SRPK2: variants seen among roughly 807,000 people sequenced by gnomAD.
SRPK2 encodes SFRS protein kinase 2.
In SRPK2, 21 loss-of-function variants were observed where a neutral mutation model predicts 90.8. That is an observed-to-expected ratio of 0.23 (90% confidence interval 0.16 to 0.33). The LOEUF (loss-of-function observed/expected upper bound fraction) is 0.33. Among genes scored for constraint, SRPK2 ranks in the 10% least tolerant of loss-of-function variants. The pLI, the probability that SRPK2 is intolerant of heterozygous loss-of-function variation, is 1.00. For synonymous variants in SRPK2, 288 were observed against 311.1 expected (o/e 0.93, Z 0.78); for missense variants, 620 against 869.0 (o/e 0.71, Z 3.60).
At chr7:105,337,637 G>C (rs1021627995) in intron 2 of SRPK2, among the ~76,000 whole-genome samples, 1 of 152,026 alleles carries the variant, frequency 6.6e-6, no homozygotes, top group African/African-American at 2.4e-5. Context: ...TATATAAAGA[G>C]AGACACCAGA....
At chr7:105,329,170 T>C (rs987697243) in intron 2 of SRPK2, among the ~76,000 whole-genome samples, 1 of 152,186 alleles carries the variant, frequency 6.6e-6, no homozygotes, top group Non-Finnish European at 1.5e-5. Context: ...CCTGAATCTT[T>C]ATATATTTCA....
chr7:105,256,827 C>G (rs1344097185), intron 2 of SRPK2, among the ~76,000 whole-genome samples: 1 of 152,208 alleles, frequency 6.6e-6, no homozygotes, highest in Non-Finnish European at 1.5e-5. Flanking sequence ...AGTTTCTGTG[C>G]TCCCCACCTG....
intron 2 of SRPK2, among the ~76,000 whole-genome samples, chr7:105,361,864 T>C (rs915840242): frequency 1.3e-5 from 2 of 151,994 alleles, no homozygotes; most frequent in Admixed American, 6.6e-5. Flanking sequence ...CCTAAAACCA[T>C]AAAAACCCTA....
At chr7:105,388,096 G>C (rs1343068810) in intron 2 of SRPK2, among the ~76,000 whole-genome samples, 1 of 152,192 alleles carries the variant, frequency 6.6e-6, no homozygotes, top group African/African-American at 2.4e-5. Context: ...CACGCCCGAG[G>C]CAAACCACTT....
chr7:105,145,321 C>T lies in SRPK2; in HGVS notation c.788-13G>A, dbSNP rs1001423166. The T allele has an allele frequency of 1.3e-6, 2 of 1,584,332 alleles. No homozygotes were observed. The highest frequency in any genetic ancestry group is 1.3e-5 in the African/African-American group (1 of 74,406). Reference sequence around the variant, plus strand: ...GGAGCCGTACTCACTAAAATAAAATCAAACAAAATCTGTATTTAGCAGAAA... The same window carrying T: ...GGAGCCGTACTCACTAAAATAAAATTAAACAAAATCTGTATTTAGCAGAAA... On this transcript the variant is annotated splice_polypyrimidine_tract_variant and intron_variant, in intron 8 of 15. Transcript: ENST00000393651.
At chr7:105,167,518 T>C in intron 5 of SRPK2, 54 bp from the exon 6 acceptor site, 1 of 1,353,846 alleles carries the variant, frequency 7.4e-7, no homozygotes, top group East Asian at 2.3e-5. Context: ...AAAGCATGTT[T>C]TCCCATTATA....
rs150198662 is a variant in SRPK2, at chr7:105,144,607, G to A, written c.813+676C>T. Among the ~76,000 whole-genome samples, 12 of 152,138 alleles carry A rather than the reference G, an allele frequency of 7.9e-5. No homozygotes were observed. In the East Asian group the frequency reaches 1.7e-3, roughly 22 times the overall value. ...TCAGTCTCTTTCTTATTTAACATCC[G>A]CATGGAAAAAATTAGAACAACAGCT... On this transcript the variant is annotated intron_variant, in intron 9 of 15. Transcript: ENST00000393651.
chr7:105,324,895 A>G (rs533418711), intron 2 of SRPK2, among the ~76,000 whole-genome samples: 9 of 152,198 alleles, frequency 5.9e-5, no homozygotes, highest in African/African-American at 2.2e-4. Flanking sequence ...AAAAAATAAA[A>G]ATTAAAATTA....
intron 2 of SRPK2, among the ~76,000 whole-genome samples, chr7:105,349,040 G>A (rs1159037936): frequency 6.6e-6 from 1 of 151,684 alleles, no homozygotes; most frequent in Non-Finnish European, 1.5e-5. Context: ...TAGCTACTTG[G>A]AAGGCAGAGG....
chr7:105,135,923 C>A (rs1001027742), intron 11 of SRPK2, among the ~76,000 whole-genome samples: 7 of 151,990 alleles, frequency 4.6e-5, no homozygotes, highest in African/African-American at 1.7e-4. Flanking sequence ...TGAAACCATG[C>A]CCGATTAATT....
intron 6 of SRPK2, among the ~76,000 whole-genome samples, chr7:105,163,581 G>A (rs891192056): frequency 6.6e-6 from 1 of 152,026 alleles, no homozygotes; most frequent in Non-Finnish European, 1.5e-5. Flanking sequence ...GATCACCTGA[G>A]GTCGGGAATT....
At chr7:105,163,892 T>C (rs1343829370) in intron 6 of SRPK2, among the ~76,000 whole-genome samples, 1 of 152,208 alleles carries the variant, frequency 6.6e-6, no homozygotes, top group African/African-American at 2.4e-5. Flanking sequence ...ACTTCACGAC[T>C]GGTTCAACTT....
In SRPK2 at chr7:105,269,394, C is replaced by A. The variant is rs375696021; in HGVS notation, c.72-65609G>T. Among the ~76,000 whole-genome samples, 36 of 152,136 alleles carry A rather than the reference C, an allele frequency of 2.4e-4. No homozygotes were observed. In the South Asian group the frequency reaches 7.5e-3, roughly 32 times the overall value. ...GATGTATAGATTTCAAAATGTTTAACCTTTGTTTTAATTTCTTGATTGTGT... is the reference window on the plus strand; with the variant it reads ...GATGTATAGATTTCAAAATGTTTAAACTTTGTTTTAATTTCTTGATTGTGT... On this transcript the variant is annotated intron_variant, in intron 2 of 15. Coordinates refer to ENST00000393651, the MANE Select transcript of SRPK2 (RefSeq NM_182692.3).
Position 105,167,456 on chromosome 7 carries a change from T to A in SRPK2, c.435A>T (p.Glu145Asp). ...DEIKLLKCVR[E>D]SDPSDPNKDM... ...CTTTGTTTGGGTCACTGGGATCACT[T>A]TCTCGAACCTATGCCAAGAAAAATG... Residue 145 changes from glutamate (E) to aspartate (D), a missense_variant, in exon 6 of 16, where the codon GAA becomes GAT. Physicochemically the swap from Glu to Asp is conservative, Grantham distance 45. This residue lies in a region of SRPK2 where 196 missense variants were observed against 339.2 expected (regional missense o/e 0.58). Transcript: ENST00000393651. 1 of 1,613,420 alleles carries A rather than the reference T, an allele frequency of 6.2e-7. No individual in the cohort carries two copies. The highest frequency in any genetic ancestry group is 8.5e-7 in the Non-Finnish European group (1 of 1,179,498).
chr7:105,389,196 C>T (rs1262106448), upstream of SRPK2: 3 of 1,121,486 alleles, frequency 2.7e-6, no homozygotes, highest in Non-Finnish European at 3.3e-6. Context: ...TCCCGGGCAC[C>T]GGACCCGCGG....
intron 2 of SRPK2, among the ~76,000 whole-genome samples, chr7:105,383,507 G>A (rs1002192024): frequency 1.3e-5 from 2 of 150,356 alleles, no homozygotes; most frequent in East Asian, 1.9e-4. Flanking sequence ...CACAACCTCC[G>A]TCTCCCAGGT....
intron 2 of SRPK2, among the ~76,000 whole-genome samples, chr7:105,234,217 G>A (rs1336599211): frequency 6.6e-6 from 1 of 152,142 alleles, no homozygotes; most frequent in Admixed American, 6.5e-5. Context: ...ATTTATACTA[G>A]TAGTTGCCAC....
chr7:105,197,246 G>A (rs991340331), intron 3 of SRPK2, among the ~76,000 whole-genome samples: 1 of 152,106 alleles, frequency 6.6e-6, no homozygotes, highest in Admixed American at 6.5e-5. Flanking sequence ...TTTGTGTATA[G>A]GAAGAAACTC....
intron 2 of SRPK2, among the ~76,000 whole-genome samples, chr7:105,229,451 A>C (rs182872557): frequency 2.0e-5 from 3 of 149,748 alleles, no homozygotes; most frequent in Non-Finnish European, 1.5e-5. Flanking sequence ...GCGACAGAGC[A>C]AGACTCCGTC....
Sources: allele counts gnomAD v4.1 joint callset (sites outside exome capture counted in the v4.1 genomes callset), GRCh38; gene constraint gnomAD v4.1.1; regional missense constraint gnomAD v4.1.1; transcripts MANE v1.5; gene names NCBI Gene and HGNC (gene_info 2026-07-23, HGNC 2026-07-21).